The following RORA variants were observed in gnomAD, a reference collection of about 807,000 sequenced individuals.
The protein encoded by RORA is RAR related orphan receptor A.
Under a neutral mutation model 69.5 loss-of-function variants are expected in RORA, and 7 were observed. The observed-to-expected ratio is 0.10, with a 90% CI of 0.06 to 0.19. RORA has a LOEUF of 0.19. RORA is among the 10% of genes least tolerant of loss of function. The pLI is 1.00. For synonymous variants in RORA, 261 were observed against 240.8 expected (o/e 1.08, Z -0.78); for missense variants, 457 against 663.0 (o/e 0.69, Z 3.41).
chr15:60,955,103 A>G (rs776260004), intron 1 of RORA, among the ~76,000 whole-genome samples: 27 of 152,218 alleles, frequency 1.8e-4, no homozygotes, highest in Non-Finnish European at 3.4e-4. Context: ...GGAGTTCGAG[A>G]CCAGCCTGGC....
chr15:60,907,708 G>GT (rs553808638), intron 1 of RORA, among the ~76,000 whole-genome samples: 34 of 151,832 alleles, frequency 2.2e-4, no homozygotes, highest in South Asian at 8.3e-4. Flanking sequence ...CACATTTAGC[G>GT]TTTTTTTTCT....
intron 1 of RORA, among the ~76,000 whole-genome samples, chr15:60,814,238 A>G (rs1253655082): frequency 6.6e-6 from 1 of 152,106 alleles, no homozygotes; most frequent in East Asian, 1.9e-4. Flanking sequence ...GCTCCTCCCC[A>G]AAACTTTCTC....
At chr15:60,666,022 C>G (rs1361097798) in intron 2 of RORA, among the ~76,000 whole-genome samples, 2 of 151,968 alleles carry the variant, frequency 1.3e-5, no homozygotes, top group African/African-American at 4.8e-5. Flanking sequence ...TATTTTTGGC[C>G]AAACTGAAAT....
At chr15:60,634,693 G>T (rs541882333) in intron 2 of RORA, among the ~76,000 whole-genome samples, 1 of 152,054 alleles carries the variant, frequency 6.6e-6, no homozygotes, top group Non-Finnish European at 1.5e-5. Flanking sequence ...TTGAGCCACC[G>T]CACCTGGCCC....
chr15:60,641,169 C>G (rs1430187158), intron 2 of RORA, among the ~76,000 whole-genome samples: 1 of 152,164 alleles, frequency 6.6e-6, no homozygotes, highest in Non-Finnish European at 1.5e-5. Flanking sequence ...CCAGGATGGT[C>G]TCGAACTCCT....
At chr15:61,217,199 T>G (rs544257228) in intron 1 of RORA, among the ~76,000 whole-genome samples, 1 of 152,264 alleles carries the variant, frequency 6.6e-6, no homozygotes, top group East Asian at 1.9e-4. Context: ...TTATGCAAGG[T>G]ATCGTGCATG....
chr15:60,597,633 CATATATAT>C (rs1382402262), intron 2 of RORA, among the ~76,000 whole-genome samples: 1 of 24,274 alleles, frequency 4.1e-5, no homozygotes. Flanking sequence ...CATATATATA[CATATATAT>C]ATATATATGT....
chr15:60,747,752 TC>T (rs942553600), intron 1 of RORA, among the ~76,000 whole-genome samples: 10 of 152,142 alleles, frequency 6.6e-5, no homozygotes, highest in African/African-American at 2.2e-4. Context: ...TGGTAAGCTC[TC>T]AGATGAATTG....
chr15:60,796,198 G>A (rs1595721166), intron 1 of RORA, among the ~76,000 whole-genome samples: 1 of 152,172 alleles, frequency 6.6e-6, no homozygotes, highest in South Asian at 2.1e-4. Flanking sequence ...GTATCACAGT[G>A]AGGGTGGTAT....
intron 1 of RORA, among the ~76,000 whole-genome samples, chr15:61,035,527 G>A (rs1896412444): frequency 6.6e-6 from 1 of 152,120 alleles, no homozygotes. Flanking sequence ...TGGGGTTAAT[G>A]GGAGCACTCC....
At chr15:60,699,862 C>T (rs879700771) in intron 1 of RORA, among the ~76,000 whole-genome samples, 9 of 151,852 alleles carry the variant, frequency 5.9e-5, no homozygotes, top group Non-Finnish European at 1.3e-4. Context: ...AAAAAGACCC[C>T]TTGTGCTATT....
At chr15:60,882,385 C>T (rs1344645860) in intron 1 of RORA, among the ~76,000 whole-genome samples, 1 of 152,116 alleles carries the variant, frequency 6.6e-6, no homozygotes, top group African/African-American at 2.4e-5. Flanking sequence ...CCAGACAACC[C>T]TTCATGATAA....
intron 1 of RORA, among the ~76,000 whole-genome samples, chr15:61,120,849 T>A (rs941204305): frequency 5.9e-5 from 9 of 152,114 alleles, no homozygotes; most frequent in Admixed American, 2.0e-4. Context: ...TATTTCTTTT[T>A]TTATTATTTT....
chr15:60,623,779 ATTTAGGTATTAAATAATTT>A (rs916474523), intron 2 of RORA, among the ~76,000 whole-genome samples: 8 of 152,164 alleles, frequency 5.3e-5, no homozygotes, highest in Admixed American at 2.6e-4. Context: ...GTTCAGTGTT[ATTTAGGTATTAAATAATTT>A]TTTAAAATCA....
chr15:61,104,999 C>G (rs943772407), intron 1 of RORA, among the ~76,000 whole-genome samples: 11 of 142,522 alleles, frequency 7.7e-5, no homozygotes, highest in East Asian at 2.3e-4. Flanking sequence ...TGAGGCGCCC[C>G]CCCCACCGCC....
intron 1 of RORA, among the ~76,000 whole-genome samples, chr15:60,777,035 G>A (rs891288250): frequency 1.1e-4 from 16 of 152,260 alleles, no homozygotes; most frequent in African/African-American, 3.9e-4. Flanking sequence ...GTAGTGCCTA[G>A]TTAATAATAG....
At chr15:60,925,171 T>G (rs1892175438) in intron 1 of RORA, among the ~76,000 whole-genome samples, 4 of 151,776 alleles carry the variant, frequency 2.6e-5, no homozygotes. Context: ...AGGAAGTGCC[T>G]CCTTATCACA....
intron 2 of RORA, among the ~76,000 whole-genome samples, chr15:60,541,333 C>A (rs1340972996): frequency 2.0e-5 from 3 of 152,142 alleles, no homozygotes; most frequent in Non-Finnish European, 2.9e-5. Context: ...TCAAAAAATT[C>A]TCTTTTGTAA....
chr15:60,852,885 T>C (rs980399740), intron 1 of RORA, among the ~76,000 whole-genome samples: 1 of 152,044 alleles, frequency 6.6e-6, no homozygotes, highest in Non-Finnish European at 1.5e-5. Flanking sequence ...ATTCATCTCA[T>C]GGGATCATGG....
Sources: gnomAD v4.1 joint callset for allele counts (sites outside exome capture counted in the v4.1 genomes callset) on GRCh38, gnomAD v4.1.1 for gene constraint, MANE v1.5 for transcripts, NCBI Gene and HGNC (gene_info 2026-07-23, HGNC 2026-07-21) for gene names.